The following MFSD11 variants were observed in gnomAD, a reference collection of about 807,000 sequenced individuals.
MFSD11 encodes major facilitator superfamily domain containing 11.
A neutral mutation model predicts 53.5 loss-of-function variants in MFSD11; 36 were observed. That is an observed-to-expected ratio of 0.67 (90% CI 0.52 to 0.89). The LOEUF (loss-of-function observed/expected upper bound fraction) is 0.89, where lower values mean the gene tolerates loss of function less well. Ranked by LOEUF, MFSD11 falls within the 40% of genes least tolerant of loss-of-function variation. The pLI is 0.00. For synonymous variants in MFSD11, 186 were observed against 184.9 expected, an observed-to-expected ratio of 1.01 and a Z score of -0.05; for missense variants, 530 against 543.9, an observed-to-expected ratio of 0.97 and a Z score of 0.25.
intron 3 of MFSD11, 49 bp downstream of exon 3, chr17:76,741,113 C>A: frequency 9.1e-7 from 1 of 1,094,776 alleles, no homozygotes; most frequent in Non-Finnish European, 1.4e-6. Flanking sequence ...TTGTCAGGAT[C>A]TTTCAAGTAG....
chr17:76,765,097 T>G (rs1344443884), intron 8 of MFSD11, among the ~76,000 whole-genome samples: 1 of 152,158 alleles, frequency 6.6e-6, no homozygotes, highest in South Asian at 2.1e-4. Context: ...GTCCTGAAAA[T>G]TTACTCCTAT....
At chr17:76,763,070 A>G (rs548596800) in intron 8 of MFSD11, among the ~76,000 whole-genome samples, 1 of 152,136 alleles carries the variant, frequency 6.6e-6, no homozygotes, top group Non-Finnish European at 1.5e-5. Context: ...AAGTTCGTGT[A>G]CAAGTTTTTG....
At chr17:76,739,838 G>A (rs1228920661) in intron 2 of MFSD11, among the ~76,000 whole-genome samples, 1 of 152,156 alleles carries the variant, frequency 6.6e-6, no homozygotes, top group African/African-American at 2.4e-5. Flanking sequence ...TAGTAGCACA[G>A]CTTTTTCTAC....
chr17:76,795,797 G>A, the MFSD11 span, among the ~76,000 whole-genome samples: 1 of 151,102 alleles, frequency 6.6e-6, no homozygotes, highest in Non-Finnish European at 1.5e-5. Flanking sequence ...GGGACTACAG[G>A]TGCCCGCCAC....
downstream of MFSD11, among the ~76,000 whole-genome samples, chr17:76,783,487 A>G (rs957945990): frequency 2.6e-5 from 4 of 152,070 alleles, no homozygotes; most frequent in African/African-American, 9.7e-5. Flanking sequence ...CTGCCCACAC[A>G]GGATTTCTTT....
upstream of MFSD11, chr17:76,737,323 G>GA: frequency 2.2e-6 from 2 of 920,326 alleles, no homozygotes; most frequent in Non-Finnish European, 3.1e-6. Context: ...GCGCACCTGA[G>GA]TAACAACTGG....
intron 9 of MFSD11, 47 bp downstream of exon 9, chr17:76,767,498 A>G: frequency 8.1e-7 from 1 of 1,240,282 alleles, no homozygotes; most frequent in Non-Finnish European, 1.2e-6. Context: ...TAATGACAAT[A>G]AGGAGTTGAA....
At chr17:76,737,220 G>A, upstream of MFSD11, 1 of 1,469,488 alleles carries the variant, frequency 6.8e-7, no homozygotes, top group Non-Finnish European at 9.1e-7. Flanking sequence ...GCTCTGGGCG[G>A]TGCGACGCCG....
At chr17:76,743,347 T>C in intron 5 of MFSD11, 51 bp from the exon 6 acceptor site, 1 of 1,185,462 alleles carries the variant, frequency 8.4e-7, no homozygotes, top group Non-Finnish European at 1.2e-6. Context: ...TAAAAAACTA[T>C]AAATATTAAA....
intron 7 of MFSD11, among the ~76,000 whole-genome samples, chr17:76,749,782 C>T (rs2078888487): frequency 6.7e-6 from 1 of 150,092 alleles, no homozygotes; most frequent in South Asian, 2.1e-4. Flanking sequence ...CCCAGCTACT[C>T]AGGAGGCTGA....
chr17:76,754,132 A>AC, intron 8 of MFSD11, 45 bp downstream of exon 8: 1 of 1,316,484 alleles, frequency 7.6e-7, no homozygotes, highest in Non-Finnish European at 1.0e-6. Context: ...TTCAGGAACA[A>AC]CTCGGCATTT....
At chr17:76,761,737 A>G (rs1040100666) in intron 8 of MFSD11, among the ~76,000 whole-genome samples, 5 of 152,126 alleles carry the variant, frequency 3.3e-5, no homozygotes, top group Admixed American at 6.6e-5. Context: ...CCTGGCTTAC[A>G]TGGTGAAACC....
At position 76,758,299 on chromosome 17, in the gene MFSD11, G is replaced by T. The variant is rs546713035; in HGVS notation, c.682+4212G>T. 7.0e-5 allele frequency among the ~76,000 whole-genome samples: 5 copies of T among 71,306 alleles called. No homozygotes were observed. The South Asian group carries it at 2.7e-3, about 39-fold the overall frequency. The allele number at this position is 71,306 out of a possible 152,430, so 46.8% of individuals were successfully genotyped here. On this transcript the variant is annotated intron_variant, in intron 8 of 12. Transcript: ENST00000685175. ...AAATGAAACTATAAAAGTAATTGAG[G>T]CTGGGCACAGTGGTTCATGCCTGTA... is the stretch of plus-strand genomic sequence containing the variant.
In MFSD11 at chr17:76,739,471, G is replaced by A. The variant is rs2077841728; in HGVS notation, c.152+478G>A. Among the ~76,000 whole-genome samples the A allele has an allele frequency of 2.0e-5, 3 of 152,154 alleles. No homozygotes were observed. In the South Asian group the frequency reaches 6.2e-4, roughly 32 times the overall value. Reference sequence around the variant, plus strand: ...TGATTAGTCCCAATTTTACAGATGGGTAAAATGAAAAGACCTTCACAAGTC... The same window carrying A: ...TGATTAGTCCCAATTTTACAGATGGATAAAATGAAAAGACCTTCACAAGTC... On this transcript the variant is annotated intron_variant, in intron 2 of 12. Coordinates refer to ENST00000685175, the MANE Select transcript of MFSD11 (RefSeq NM_001242532.5).
chr17:76,793,716 A>G, the MFSD11 span, among the ~76,000 whole-genome samples: 2 of 151,562 alleles, frequency 1.3e-5, no homozygotes, highest in African/African-American at 4.9e-5. Context: ...TGCAGTAAAG[A>G]CAGGCATAAG....
At chr17:76,759,279 A>T (rs1012902618) in intron 8 of MFSD11, among the ~76,000 whole-genome samples, 4 of 150,802 alleles carry the variant, frequency 2.7e-5, no homozygotes, top group Admixed American at 6.6e-5. Context: ...AATAAAATAT[A>T]TTTCTTTTTC....
At chr17:76,789,159 A>G in the MFSD11 span, among the ~76,000 whole-genome samples, 2 of 150,046 alleles carry the variant, frequency 1.3e-5, no homozygotes, top group African/African-American at 4.9e-5. Context: ...TAAAAAATAA[A>G]AAAGTTTTAG....
chr17:76,737,414 T>C (rs2077573663), upstream of MFSD11: 2 of 455,608 alleles, frequency 4.4e-6, no homozygotes. Context: ...AACCTTCTGA[T>C]TGGCCCACCG....
the MFSD11 span, among the ~76,000 whole-genome samples, chr17:76,791,333 C>T: frequency 6.7e-6 from 1 of 149,318 alleles, no homozygotes; most frequent in Non-Finnish European, 1.5e-5. Flanking sequence ...CTTTCTTTTA[C>T]TTCCTGAAAA....
Sources: gnomAD v4.1 joint callset for allele counts (sites outside exome capture counted in the v4.1 genomes callset) on GRCh38, gnomAD v4.1.1 for gene constraint, MANE v1.5 for transcripts, NCBI Gene and HGNC (gene_info 2026-07-23, HGNC 2026-07-21) for gene names.